YY1: variants seen among roughly 807,000 people sequenced by gnomAD.
YY1 encodes the protein transcriptional repressor protein YY1.
In YY1, 2 loss-of-function variants were observed where a neutral mutation model predicts 35.6. The observed-to-expected ratio is 0.06, with a 90% CI of 0.02 to 0.18. The LOEUF (loss-of-function observed/expected upper bound fraction) is 0.18. YY1 is among the 10% of genes least tolerant of loss of function. YY1 has a pLI of 1.00. For synonymous variants in YY1, 268 were observed against 238.9 expected (o/e 1.12, Z -1.12); for missense variants, 322 against 573.4 (o/e 0.56, Z 4.48).
At chr14:100,246,428 C>G (rs979519314) in intron 1 of YY1, among the ~76,000 whole-genome samples, 1 of 152,202 alleles carries the variant, frequency 6.6e-6, no homozygotes, top group Non-Finnish European at 1.5e-5. Flanking sequence ...CCAGGTTGGC[C>G]TCATGCTCCG....
In YY1 at chr14:100,277,241, CG is replaced by C; in HGVS notation, c.1063-173del. ...TTCGTGAGGGCTCTCCTTGGGTTTT[CG>C]GGGTTGTCCAACCTGCCTGCTGATT... On this transcript the variant is annotated intron_variant, in intron 4 of 4. Coordinates refer to ENST00000262238, the MANE Select transcript of YY1 (RefSeq NM_003403.5). The surrounding 1 kb of genome is among the most constrained non-coding windows in gnomAD (Gnocchi z 5.6). The C allele has an allele frequency of 1.3e-6, 1 of 772,028 alleles. No homozygotes were observed. 47.8% of individuals were successfully genotyped at this position (772,028 alleles called of 1,614,324 possible).
At chr14:100,239,986 A>G (rs1237267817) in intron 1 of YY1, 63 bp downstream of exon 1, 6 of 1,442,334 alleles carry the variant, frequency 4.2e-6, no homozygotes, top group African/African-American at 1.5e-5. Context: ...GCCATGTTTT[A>G]TGTGTGTGAT....
intron 1 of YY1, among the ~76,000 whole-genome samples, chr14:100,259,521 A>G (rs1891051305): frequency 1.3e-5 from 2 of 149,348 alleles, no homozygotes; most frequent in African/African-American, 4.9e-5. Flanking sequence ...CTCCGTCTCA[A>G]AAAAAAAAAA....
At position 100,276,916 on chromosome 14, in the gene YY1, C is replaced by T. The variant is rs942667694; in HGVS notation, c.1062+268C>T. 2 of 513,894 alleles carry T rather than the reference C, an allele frequency of 3.9e-6. No homozygotes were observed. Among genetic ancestry groups the T allele is most frequent in the South Asian group, 4.4e-5 (2 of 45,336 alleles). 31.8% of individuals were successfully genotyped at this position (513,894 alleles called of 1,614,324 possible). On this transcript the variant is annotated intron_variant, in intron 4 of 4. Coordinates refer to ENST00000262238, the MANE Select transcript of YY1 (RefSeq NM_003403.5). This position sits in a 1 kb window ranked among gnomAD's most constrained non-coding sequence, Gnocchi z 4.1. Reference sequence around the variant, plus strand: ...GCAGGAGGAGAACAGGATTGAAGAGCATACCTAAAACTCAATTTCTACTTC... The same window carrying T: ...GCAGGAGGAGAACAGGATTGAAGAGTATACCTAAAACTCAATTTCTACTTC...
At position 100,239,385 on chromosome 14, in the gene YY1, GGACGAC is replaced by G. The variant is rs748854104; in HGVS notation, c.150_155del (p.Asp50_Asp51del). The G allele has an allele frequency of 3.6e-5, 58 of 1,594,986 alleles. No homozygotes were observed. The highest frequency in any genetic ancestry group is 1.7e-4 in the Middle Eastern group (1 of 6,028). Reference sequence around the variant, plus strand: ...CAGTGGTGGGCGAGGAGGAGGAGGAGGACGACGACGACGAGGACGGCGGCGGTGGCG... The same window carrying G: ...CAGTGGTGGGCGAGGAGGAGGAGGAGGACGACGAGGACGGCGGCGGTGGCG... On this transcript the variant is annotated inframe_deletion, in exon 1 of 5. Transcript: ENST00000262238.
At chr14:100,246,049 T>C (rs1231506425) in intron 1 of YY1, among the ~76,000 whole-genome samples, 3 of 152,224 alleles carry the variant, frequency 2.0e-5, no homozygotes, top group African/African-American at 7.2e-5. Context: ...TCTTGAGATT[T>C]CAGGTGGTGA....
intron 1 of YY1, among the ~76,000 whole-genome samples, chr14:100,256,968 A>T (rs1338025579): frequency 6.6e-6 from 1 of 151,826 alleles, no homozygotes; most frequent in Non-Finnish European, 1.5e-5. Context: ...GTCAGCGTCT[A>T]CTTTAGGCTT....
At chr14:100,263,525 A>G (rs2139590921) in intron 2 of YY1, among the ~76,000 whole-genome samples, 2 of 152,286 alleles carry the variant, frequency 1.3e-5, no homozygotes, top group Middle Eastern at 6.8e-3. Flanking sequence ...GGCAGTTTGT[A>G]CAAGGAGCTG....
intron 1 of YY1, among the ~76,000 whole-genome samples, chr14:100,260,181 A>G (rs900468273): frequency 6.6e-5 from 10 of 152,080 alleles, no homozygotes; most frequent in East Asian, 1.9e-4. Flanking sequence ...GGTTTAAGCA[A>G]TTCTCTTGCC....
In YY1 at chr14:100,276,923, A is replaced by G. The variant is rs538705552; in HGVS notation, c.1062+275A>G. The G allele has an allele frequency of 1.0e-4, 52 of 505,760 alleles. 1 individual carries two copies. The highest frequency in any genetic ancestry group is 9.2e-4 in the African/African-American group (48 of 52,118). The allele number at this position is 505,760 out of a possible 1,614,324, so 31.3% of individuals were successfully genotyped here. A position where few individuals can be genotyped will look rare whatever the true frequency, so the allele number is the denominator to read the frequency against. On this transcript the variant is annotated intron_variant, in intron 4 of 4. Transcript: ENST00000262238. The surrounding 1 kb of genome is among the most constrained non-coding windows in gnomAD (Gnocchi z 4.1). ...GAGAACAGGATTGAAGAGCATACCT[A>G]AAACTCAATTTCTACTTCATTCATT...
intron 2 of YY1, among the ~76,000 whole-genome samples, chr14:100,263,396 C>G (rs978901166): frequency 2.6e-5 from 4 of 152,192 alleles, no homozygotes; most frequent in Non-Finnish European, 5.9e-5. Context: ...GTATTTATGG[C>G]TTGGACATGG....
chr14:100,256,014 G>A (rs1891000612), intron 1 of YY1, among the ~76,000 whole-genome samples: 1 of 152,128 alleles, frequency 6.6e-6, no homozygotes. Flanking sequence ...TTGTGGGCCT[G>A]TAGTCCCACC....
intron 2 of YY1, among the ~76,000 whole-genome samples, chr14:100,267,413 T>G (rs1891170977): frequency 6.6e-6 from 1 of 152,156 alleles, no homozygotes; most frequent in Non-Finnish European, 1.5e-5. Flanking sequence ...TTCATTTGTG[T>G]ATAGAAAAGA....
intron 2 of YY1, among the ~76,000 whole-genome samples, chr14:100,267,733 A>G (rs1331155617): frequency 6.6e-6 from 1 of 152,098 alleles, no homozygotes; most frequent in African/African-American, 2.4e-5. Flanking sequence ...CATGTTGGCC[A>G]AGATGGTCTC....
intron 1 of YY1, among the ~76,000 whole-genome samples, chr14:100,261,339 C>T (rs1029288280): frequency 1.3e-5 from 2 of 151,980 alleles, no homozygotes; most frequent in African/African-American, 4.8e-5. Context: ...CAGGCATGCA[C>T]CACCATGCCT....
At position 100,281,972 on chromosome 14, in the gene YY1, G is replaced by GGAAGTAT. The variant is rs1447079993; in HGVS notation, c.*4374_*4380dup. On this transcript the variant is annotated 3_prime_UTR_variant, in exon 5 of 5. Transcript: ENST00000262238. ...GCTGGGACTGTACTGAGGCTTGATG[G>GGAAGTAT]GAAGTATGGGCAGCATGTACTTGAC... is the stretch of plus-strand genomic sequence containing the variant. The GGAAGTAT allele has an allele frequency of 6.6e-6, 1 of 152,226 alleles. No homozygotes were observed. Among genetic ancestry groups the GGAAGTAT allele is most frequent in the Admixed American group, 6.5e-5 (1 of 15,282 alleles). The allele number at this position is 152,226 out of a possible 1,614,324, so 9.4% of individuals were successfully genotyped here. A position where few individuals can be genotyped will look rare whatever the true frequency, so the allele number is the denominator to read the frequency against.
chr14:100,253,740 G>A (rs1257935248), intron 1 of YY1, among the ~76,000 whole-genome samples: 1 of 152,140 alleles, frequency 6.6e-6, no homozygotes, highest in Non-Finnish European at 1.5e-5. Context: ...GCCCACCTCA[G>A]CCTCCCAAAG....
chr14:100,272,955 T>G (rs1337164647), intron 2 of YY1, among the ~76,000 whole-genome samples: 1 of 17,812 alleles, frequency 5.6e-5, no homozygotes, highest in Non-Finnish European at 9.2e-5. Context: ...TTTTTTGTTG[T>G]TTTTTTTTTG....
chr14:100,242,127 CATA>C (rs1890756320), intron 1 of YY1, among the ~76,000 whole-genome samples: 1 of 152,068 alleles, frequency 6.6e-6, no homozygotes. Flanking sequence ...TACTTTTTCT[CATA>C]GTGTGTGGAA....
Sources: allele counts gnomAD v4.1 joint callset (sites outside exome capture counted in the v4.1 genomes callset), GRCh38; gene constraint gnomAD v4.1.1; non-coding constraint Gnocchi (gnomAD v3.1); transcripts MANE v1.5; gene names NCBI Gene and HGNC (gene_info 2026-07-23, HGNC 2026-07-21).